CPNE4: variants seen among roughly 807,000 people sequenced by gnomAD.
CPNE4 encodes copine 4.
Under a neutral mutation model 67.9 loss-of-function variants are expected in CPNE4, and 25 were observed. That is an observed-to-expected ratio of 0.37 (90% confidence interval 0.27 to 0.51). The LOEUF is 0.51. Among genes scored for constraint, CPNE4 ranks in the 20% least tolerant of loss-of-function variants. CPNE4 has a pLI of 0.93. For synonymous variants in CPNE4, 242 were observed against 244.9 expected, an observed-to-expected ratio of 0.99 and a Z score of 0.11; for missense variants, 464 against 690.8, an observed-to-expected ratio of 0.67 and a Z score of 3.68.
At chr3:132,020,065 T>C (rs751957844) in intron 1 of CPNE4, among the ~76,000 whole-genome samples, 19 of 152,190 alleles carry the variant, frequency 1.2e-4, no homozygotes, top group Non-Finnish European at 2.2e-4. Context: ...ATCATGCCAG[T>C]GTCAGTCCCA....
intron 8 of CPNE4, among the ~76,000 whole-genome samples, chr3:131,582,671 G>C (rs7628646): frequency 0.063 from 9,559 of 152,212 alleles, 781 homozygotes; most frequent in African/African-American, 0.19. Context: ...GGGACATTAG[G>C]AAATGTGATA....
chr3:131,714,882 A>AG (rs1201389528), intron 3 of CPNE4, among the ~76,000 whole-genome samples: 8 of 152,198 alleles, frequency 5.3e-5, no homozygotes, highest in Non-Finnish European at 8.8e-5. Flanking sequence ...GACTTCTTCA[A>AG]GGTGTCAGGG....
At chr3:131,650,772 A>AAAAAAAAAAT (rs1560048206) in intron 7 of CPNE4, among the ~76,000 whole-genome samples, 31 of 144,674 alleles carry the variant, frequency 2.1e-4, no homozygotes, top group African/African-American at 6.8e-4. Context: ...AAAAAAAAAA[A>AAAAAAAAAAT]ATTCTATTAT....
At chr3:131,938,929 A>G (rs1372587817) in intron 1 of CPNE4, among the ~76,000 whole-genome samples, 1 of 152,120 alleles carries the variant, frequency 6.6e-6, no homozygotes, top group Non-Finnish European at 1.5e-5. Flanking sequence ...TTAAATCCAA[A>G]CTATACTAAA....
rs1366246304 is a variant in CPNE4 at position 131,708,995 on chromosome 3, T to TATATATATATATATAC, written c.361-9016_361-9015insGTATATATATATATAT. Among the ~76,000 whole-genome samples the TATATATATATATATAC allele has an allele frequency of 7.4e-4, 81 of 109,066 alleles. 1 individual carries two copies. The highest frequency in any genetic ancestry group is 1.5e-3 in the South Asian group (5 of 3,432). The allele number at this position is 109,066 out of a possible 152,430, so 71.6% of individuals were successfully genotyped here. ...ATATATATATATATATATATATATA[T>TATATATATATATATAC]ACATACACACATAATAATATAATAC... On this transcript the variant is annotated intron_variant, in intron 3 of 15. Coordinates refer to ENST00000429747, the MANE Select transcript of CPNE4 (RefSeq NM_130808.3).
chr3:131,629,294 A>G (rs2079160772), intron 7 of CPNE4, among the ~76,000 whole-genome samples: 2 of 152,132 alleles, frequency 1.3e-5, no homozygotes, highest in African/African-American at 4.8e-5. Flanking sequence ...GCCAAACCAT[A>G]TCACCCTCCA....
chr3:131,793,804 G>A (rs963712564), intron 2 of CPNE4, among the ~76,000 whole-genome samples: 1 of 152,108 alleles, frequency 6.6e-6, no homozygotes, highest in African/African-American at 2.4e-5. Context: ...CAACAGACTT[G>A]TAAACCTTCA....
In CPNE4 at chr3:131,563,363, A is replaced by C. The variant is rs530489454; in HGVS notation, c.1061+853T>G. On this transcript the variant is annotated intron_variant, in intron 11 of 15. Coordinates refer to ENST00000429747, the MANE Select transcript of CPNE4 (RefSeq NM_130808.3). ...ACATATTTATATTTACATTGGTTTC[A>C]TTTCAAAAAGCTTTCCTTATGCATG... is the stretch of plus-strand genomic sequence containing the variant. 2.0e-5 allele frequency among the ~76,000 whole-genome samples: 3 copies of C among 152,134 alleles called. No individual in the cohort carries two copies. The South Asian group carries it at 6.2e-4, about 32-fold the overall frequency.
chr3:131,878,974 A>ATG, intron 2 of CPNE4, among the ~76,000 whole-genome samples: 1 of 152,178 alleles, frequency 6.6e-6, no homozygotes, highest in East Asian at 1.9e-4. Context: ...ATAACTTCTA[A>ATG]GAAATTGATT....
At chr3:131,567,981 C>T (rs187013604) in intron 10 of CPNE4, among the ~76,000 whole-genome samples, 29 of 152,014 alleles carry the variant, frequency 1.9e-4, no homozygotes, top group Non-Finnish European at 3.8e-4. Flanking sequence ...ATGGCCCCTA[C>T]GTCTATGACA....
Position 131,633,759 on chromosome 3 carries a change from C to CT in CPNE4, c.681+35915dup, listed in dbSNP as rs560803911. On this transcript the variant is annotated intron_variant, in intron 7 of 15. Transcript: ENST00000429747. ...TTGATAAGCCAAATGTTCAATGTAA[C>CT]TTTTTTATTTTTAAAAAAAAGAACA... Among the ~76,000 whole-genome samples the CT allele has an allele frequency of 8.1e-3, 1,222 of 150,560 alleles. 12 individuals are homozygous for CT. Among genetic ancestry groups the CT allele is most frequent in the African/African-American group, 0.027 (1,095 of 40,418 alleles).
At chr3:131,554,504 C>T (rs937930296) in intron 12 of CPNE4, among the ~76,000 whole-genome samples, 2 of 152,020 alleles carry the variant, frequency 1.3e-5, no homozygotes, top group African/African-American at 4.8e-5. Context: ...TGTAGCTATG[C>T]CCAGCAGAAA....
intron 2 of CPNE4, among the ~76,000 whole-genome samples, chr3:131,765,607 G>A (rs185193225): frequency 6.6e-6 from 1 of 152,104 alleles, no homozygotes; most frequent in Non-Finnish European, 1.5e-5. Flanking sequence ...ACTCTGTCAA[G>A]GTCCTTTACT....
chr3:131,904,972 G>C (rs898959804), intron 2 of CPNE4, among the ~76,000 whole-genome samples: 3 of 152,030 alleles, frequency 2.0e-5, no homozygotes, highest in African/African-American at 7.2e-5. Context: ...TGGTCCTCTT[G>C]CTACCTGTGT....
chr3:131,921,878 G>C (rs1175200051), intron 1 of CPNE4, among the ~76,000 whole-genome samples: 1 of 152,168 alleles, frequency 6.6e-6, no homozygotes, highest in South Asian at 2.1e-4. Flanking sequence ...GTCCAAACTA[G>C]AGAGAAGAGA....
chr3:131,775,270 A>G (rs2083265382), intron 2 of CPNE4, among the ~76,000 whole-genome samples: 1 of 152,164 alleles, frequency 6.6e-6, no homozygotes, highest in Non-Finnish European at 1.5e-5. Flanking sequence ...TGACAGCCCA[A>G]AGCATAAATT....
chr3:131,589,038 A>G (rs1938365310), intron 7 of CPNE4, among the ~76,000 whole-genome samples: 1 of 152,190 alleles, frequency 6.6e-6, no homozygotes, highest in Non-Finnish European at 1.5e-5. Flanking sequence ...TTCACCGTTT[A>G]TGATCCATGC....
intron 1 of CPNE4, among the ~76,000 whole-genome samples, chr3:131,994,597 A>G (rs2073243049): frequency 6.6e-6 from 1 of 152,220 alleles, no homozygotes; most frequent in Non-Finnish European, 1.5e-5. Context: ...TAAATTAATT[A>G]AATTCTTTTG....
Position 132,034,845 on chromosome 3 carries a change from G to C in CPNE4, c.-280C>G. On this transcript the variant is annotated 5_prime_UTR_variant, in exon 1 of 16. Coordinates refer to ENST00000429747, the MANE Select transcript of CPNE4 (RefSeq NM_130808.3). ...GGAAGAGGGTGAAAATGTTGGAGATGTCAGGTCGGCTCTCAGTTAACTCGG... is the reference window on the plus strand; with the variant it reads ...GGAAGAGGGTGAAAATGTTGGAGATCTCAGGTCGGCTCTCAGTTAACTCGG... The C allele has an allele frequency of 1.0e-6, 1 of 985,492 alleles. No homozygotes were observed. The highest frequency in any genetic ancestry group is 1.2e-6 in the Non-Finnish European group (1 of 830,068). The allele number at this position is 985,492 out of a possible 1,614,324, so 61.0% of individuals were successfully genotyped here.
Sources: allele counts gnomAD v4.1 joint callset (sites outside exome capture counted in the v4.1 genomes callset), GRCh38; gene constraint gnomAD v4.1.1; transcripts MANE v1.5; gene names NCBI Gene and HGNC (gene_info 2026-07-23, HGNC 2026-07-21).